ZNF410: variants seen among roughly 807,000 people sequenced by gnomAD.
The protein encoded by ZNF410 is zinc finger protein 410.
In ZNF410, 18 loss-of-function variants were observed where a neutral mutation model predicts 54.8. The observed-to-expected ratio is 0.33, with a 90% CI of 0.23 to 0.49. The LOEUF (loss-of-function observed/expected upper bound fraction) is 0.49, where lower values mean the gene tolerates loss of function less well. Among genes scored for constraint, ZNF410 ranks in the 20% least tolerant of loss-of-function variants. The pLI is 0.99. For missense variants in ZNF410, 405 were observed against 569.6 expected (o/e 0.71, Z 2.94); for synonymous variants, 191 against 207.3 (o/e 0.92, Z 0.68).
chr14:73,894,423 C>CTTTTTTTTT, intron 3 of ZNF410: 1 of 633,382 alleles, frequency 1.6e-6, no homozygotes, highest in Non-Finnish European at 2.8e-6. Flanking sequence ...TACATACTTG[C>CTTTTTTTTT]TTTTTTTTTT....
chr14:73,901,391 T>C (rs898313399), intron 5 of ZNF410, among the ~76,000 whole-genome samples: 2 of 150,540 alleles, frequency 1.3e-5, no homozygotes, highest in Admixed American at 6.6e-5. Flanking sequence ...GCCAACATGA[T>C]AGAACTCAAA....
rs528606097 is a variant in ZNF410 at position 73,927,158 on chromosome 14, T to C, written c.1398+3636T>C. 1.7e-3 allele frequency: 406 copies of C among 238,348 alleles called. 10 individuals are homozygous for C. The highest frequency in any genetic ancestry group is 0.015 in the South Asian group (400 of 27,302). The allele number at this position is 238,348 out of a possible 1,614,324, so 14.8% of individuals were successfully genotyped here. The stretch of plus-strand genomic sequence containing the variant: ...TGGAGTGCAGTGGCACCATCTCGGC[T>C]CACTGCAACCTCTACCTCCCGAATT... On this transcript the variant is annotated intron_variant, in intron 11 of 11. Coordinates refer to ENST00000555044, the MANE Select transcript of ZNF410 (RefSeq NM_021188.3).
chr14:73,896,346 A>T lies in ZNF410; in HGVS notation c.200A>T (p.Lys67Met). 1 of 1,614,100 alleles carries T rather than the reference A, an allele frequency of 6.2e-7. No homozygotes were observed. Among genetic ancestry groups the T allele is most frequent in the Non-Finnish European group, 8.5e-7 (1 of 1,179,992 alleles). Reference protein sequence around the residue: ...DDTTNHSNSSKEVPSSAVLRS... With the variant: ...DDTTNHSNSSMEVPSSAVLRS... The stretch of plus-strand genomic sequence containing the variant: ...ACTACAAATCATTCTAACTCCTCCA[A>T]GGAGGTCCCTTCCTCAGCTGTTTTG... The change falls in exon 4 of 12, where the codon AAG becomes ATG. Residue 67 changes from lysine (K) to methionine (M), a missense_variant. Physicochemically the swap from Lys to Met is moderately conservative, Grantham distance 95. Coordinates refer to ENST00000555044, the MANE Select transcript of ZNF410 (RefSeq NM_021188.3).
At chr14:73,920,860 T>G in intron 8 of ZNF410, 120 bp from the exon 9 acceptor site, 1 of 1,331,860 alleles carries the variant, frequency 7.5e-7, no homozygotes, top group South Asian at 1.4e-5. Context: ...AGGTGCGGAA[T>G]GGGAAAAGGA....
chr14:73,893,057 G>A lies in ZNF410; in HGVS notation c.34-740G>A, dbSNP rs2055256499. 2.0e-5 allele frequency among the ~76,000 whole-genome samples: 3 copies of A among 152,206 alleles called. No homozygotes were observed. In the South Asian group the frequency reaches 6.2e-4, roughly 32 times the overall value. ...AGATCATGCCACTGCACTCCAGCCT[G>A]GGCAACAGAGCAAGACTCTGTCTCA... On this transcript the variant is annotated intron_variant, in intron 2 of 11. Coordinates refer to ENST00000555044, the MANE Select transcript of ZNF410 (RefSeq NM_021188.3).
rs1041067056 is a variant in ZNF410, at chr14:73,931,538, A to G, written c.1434A>G (p.Thr478=). 9 of 1,609,028 alleles carry G rather than the reference A, an allele frequency of 5.6e-6. No individual in the cohort carries two copies. Among genetic ancestry groups the G allele is most frequent in the Middle Eastern group, 1.7e-4 (1 of 6,056 alleles). Residue 478 remains threonine, a synonymous_variant, in exon 12 of 12, where the codon ACA becomes ACG. Coordinates refer to ENST00000555044, the MANE Select transcript of ZNF410 (RefSeq NM_021188.3). The part of the protein sequence containing the change: ...LNQGDLTERR[T] ...AAGGAGATTTAACTGAAAGACGGACATGAGCGTGGGTGCTGACTCCTGGAA... is the reference window on the plus strand; with the variant it reads ...AAGGAGATTTAACTGAAAGACGGACGTGAGCGTGGGTGCTGACTCCTGGAA...
At chr14:73,914,717 C>T (rs2055637519) in intron 8 of ZNF410, 1 of 150,810 alleles carries the variant, frequency 6.6e-6, no homozygotes, top group Non-Finnish European at 1.5e-5. Context: ...CAGCCTCTGC[C>T]TCCCGGGTTC....
intron 11 of ZNF410, among the ~76,000 whole-genome samples, chr14:73,925,041 C>G (rs1468902247): frequency 6.6e-6 from 1 of 152,190 alleles, no homozygotes; most frequent in Non-Finnish European, 1.5e-5. Flanking sequence ...GACTCTGCAT[C>G]CTATATTGAA....
chr14:73,909,712 T>G (rs1354834080), intron 8 of ZNF410: 7 of 278,914 alleles, frequency 2.5e-5, no homozygotes, highest in Admixed American at 4.8e-5. Flanking sequence ...CTTTATAAGT[T>G]ACATAAAACA....
At chr14:73,900,267 T>C (rs1271440365) in intron 5 of ZNF410, among the ~76,000 whole-genome samples, 7 of 152,154 alleles carry the variant, frequency 4.6e-5, no homozygotes, top group Non-Finnish European at 1.5e-5. Context: ...CTAAAAGCCT[T>C]TTATTTTTTT....
At chr14:73,925,920 A>G (rs762261467) in intron 11 of ZNF410, among the ~76,000 whole-genome samples, 94 of 152,122 alleles carry the variant, frequency 6.2e-4, no homozygotes, top group Admixed American at 5.2e-3. Flanking sequence ...TGTGGTCCCA[A>G]CTACTCGGGA....
At chr14:73,888,975 T>C (rs11626813) in intron 1 of ZNF410, among the ~76,000 whole-genome samples, 51,112 of 152,124 alleles carry the variant, frequency 0.34, 9,692 homozygotes, top group Non-Finnish European at 0.42. Context: ...ATGCTCGTGT[T>C]AATTTTTAAA....
In ZNF410 at chr14:73,920,975, T is replaced by A; in HGVS notation, c.1004-5T>A. Reference sequence around the variant, plus strand: ...CTTCCTTGTTTAACCTGGTCCCTGTTTCAGGAGAGAAGCCTCATCAGTGCC... The same window carrying A: ...CTTCCTTGTTTAACCTGGTCCCTGTATCAGGAGAGAAGCCTCATCAGTGCC... On this transcript the variant is annotated splice_polypyrimidine_tract_variant and splice_region_variant and intron_variant, in intron 8 of 11. Coordinates refer to ENST00000555044, the MANE Select transcript of ZNF410 (RefSeq NM_021188.3). 6.2e-7 allele frequency: 1 copy of A among 1,614,012 alleles called. No individual in the cohort carries two copies.
intron 11 of ZNF410, among the ~76,000 whole-genome samples, chr14:73,926,306 CT>C (rs1461343107): frequency 6.6e-6 from 1 of 151,986 alleles, no homozygotes; most frequent in Admixed American, 6.6e-5. Flanking sequence ...GGTTGGTTTG[CT>C]AGAGTCAGGA....
At chr14:73,905,916 C>T (rs2055475626) in intron 7 of ZNF410, among the ~76,000 whole-genome samples, 1 of 148,050 alleles carries the variant, frequency 6.8e-6, no homozygotes, top group Non-Finnish European at 1.5e-5. Flanking sequence ...TATACACATA[C>T]ATATATATAC....
intron 5 of ZNF410, among the ~76,000 whole-genome samples, chr14:73,903,044 C>T (rs1260961330): frequency 3.9e-5 from 6 of 152,188 alleles, no homozygotes; most frequent in East Asian, 1.9e-4. Context: ...AGCCAAATTC[C>T]TTTCAGAAGA....
chr14:73,905,968 C>CACACACATATATAT (rs1461702433), intron 7 of ZNF410, among the ~76,000 whole-genome samples: 141 of 78,874 alleles, frequency 1.8e-3, no homozygotes, highest in African/African-American at 5.8e-3. Flanking sequence ...CACACACACA[C>CACACACATATATAT]ATATATATAT....
At chr14:73,890,947 G>A (rs1255911870) in intron 1 of ZNF410, among the ~76,000 whole-genome samples, 1 of 152,174 alleles carries the variant, frequency 6.6e-6, no homozygotes, top group Non-Finnish European at 1.5e-5. Flanking sequence ...GGCAGAGGTT[G>A]TGGTGAGCTG....
chr14:73,920,961 A>T lies in ZNF410; in HGVS notation c.1004-19A>T. 6.2e-7 allele frequency: 1 copy of T among 1,613,628 alleles called. No individual in the cohort carries two copies. Among genetic ancestry groups the T allele is most frequent in the Non-Finnish European group, 8.5e-7 (1 of 1,179,768 alleles). On this transcript the variant is annotated intron_variant, in intron 8 of 11. Transcript: ENST00000555044. ...TCCTGTCCTTTTGGCTTCCTTGTTT[A>T]ACCTGGTCCCTGTTTCAGGAGAGAA...
Sources: gnomAD v4.1 joint callset for allele counts (sites outside exome capture counted in the v4.1 genomes callset) on GRCh38, gnomAD v4.1.1 for gene constraint, MANE v1.5 for transcripts, NCBI Gene and HGNC (gene_info 2026-07-23, HGNC 2026-07-21) for gene names.